The following BBS9 variants were observed in gnomAD, a reference collection of about 807,000 sequenced individuals.
BBS9 encodes the protein protein PTHB1.
Under a neutral mutation model 117.7 loss-of-function variants are expected in BBS9, and 89 were observed. That is an observed-to-expected ratio of 0.76 (90% CI 0.64 to 0.90). BBS9 has a LOEUF of 0.90. BBS9 is among the 40% of genes least tolerant of loss of function. The pLI is 0.00. For missense variants in BBS9, 982 were observed against 1,042.2 expected (o/e 0.94, Z 0.80); for synonymous variants, 379 against 370.9 (o/e 1.02, Z -0.25).
chr7:33,398,351 A>G (rs1438926545), intron 19 of BBS9, among the ~76,000 whole-genome samples: 1 of 152,162 alleles, frequency 6.6e-6, no homozygotes, highest in Non-Finnish European at 1.5e-5. Context: ...GAATTATTCC[A>G]TATATGAGTT....
chr7:33,379,117 C>T (rs1016870295), intron 17 of BBS9, among the ~76,000 whole-genome samples: 1 of 152,246 alleles, frequency 6.6e-6, no homozygotes. Context: ...TTCAGACGTA[C>T]TACGTTCCTC....
At chr7:33,457,049 A>AG (rs926195224) in intron 19 of BBS9, among the ~76,000 whole-genome samples, 8 of 152,256 alleles carry the variant, frequency 5.3e-5, no homozygotes, top group African/African-American at 1.4e-4. Context: ...GGCCCCTAAG[A>AG]GGGGGCCATA....
intron 5 of BBS9, among the ~76,000 whole-genome samples, chr7:33,228,300 C>T (rs908581708): frequency 1.3e-5 from 2 of 151,822 alleles, no homozygotes; most frequent in African/African-American, 2.4e-5. Context: ...CTATTCATGT[C>T]GTTTGCCCTT....
chr7:33,513,988 TA>T (rs1226888120), intron 20 of BBS9, among the ~76,000 whole-genome samples: 2 of 152,216 alleles, frequency 1.3e-5, no homozygotes, highest in African/African-American at 4.8e-5. Flanking sequence ...CTTAATGCAC[TA>T]AAAGCAGTAA....
intron 9 of BBS9, among the ~76,000 whole-genome samples, chr7:33,306,856 G>C (rs891522290): frequency 1.3e-5 from 2 of 152,096 alleles, no homozygotes; most frequent in Non-Finnish European, 2.9e-5. Flanking sequence ...TAGTATCCCT[G>C]TGACTCTAGC....
intron 19 of BBS9, among the ~76,000 whole-genome samples, chr7:33,410,043 T>C (rs1830829965): frequency 6.6e-6 from 1 of 152,202 alleles, no homozygotes; most frequent in Non-Finnish European, 1.5e-5. Flanking sequence ...TTATTCTGTC[T>C]TATGTTATGG....
intron 9 of BBS9, among the ~76,000 whole-genome samples, chr7:33,319,941 C>T (rs1811345914): frequency 6.6e-6 from 1 of 152,086 alleles, no homozygotes; most frequent in African/African-American, 2.4e-5. Context: ...TACAAATGGC[C>T]ACAAACATAT....
intron 17 of BBS9, among the ~76,000 whole-genome samples, chr7:33,374,349 T>C (rs1352441956): frequency 6.6e-6 from 1 of 152,024 alleles, no homozygotes; most frequent in Non-Finnish European, 1.5e-5. Flanking sequence ...TTTAATGAGG[T>C]CAGGAAACTT....
At chr7:33,594,184 C>T (rs941494578) in intron 21 of BBS9, among the ~76,000 whole-genome samples, 4 of 152,088 alleles carry the variant, frequency 2.6e-5, no homozygotes, top group Non-Finnish European at 4.4e-5. Context: ...ATGTATTAGA[C>T]TCTCTTTTAT....
intron 21 of BBS9, among the ~76,000 whole-genome samples, chr7:33,594,485 G>A (rs1188864087): frequency 1.5e-4 from 23 of 152,082 alleles, no homozygotes; most frequent in Admixed American, 1.4e-3. Flanking sequence ...TACAAGGAAC[G>A]TAGAAAACTG....
intron 19 of BBS9, among the ~76,000 whole-genome samples, chr7:33,425,448 CACCT>C (rs1833523869): frequency 6.6e-6 from 1 of 152,322 alleles, no homozygotes; most frequent in South Asian, 2.1e-4. Context: ...ATCAGCCCAT[CACCT>C]AGGTATTAAG....
At chr7:33,493,574 G>A (rs183424326) in intron 19 of BBS9, among the ~76,000 whole-genome samples, 1 of 152,014 alleles carries the variant, frequency 6.6e-6, no homozygotes, top group African/African-American at 2.4e-5. Flanking sequence ...TATAAGCATG[G>A]GACAATTCAT....
At chr7:33,364,039 C>T (rs1584499855) in intron 16 of BBS9, among the ~76,000 whole-genome samples, 3 of 50,646 alleles carry the variant, frequency 5.9e-5, no homozygotes, top group Admixed American at 4.8e-4. Context: ...AGCTCCGCCT[C>T]CCGGGTTCAC....
chr7:33,613,684 A>T (rs565305885), intron 21 of BBS9, among the ~76,000 whole-genome samples: 77 of 152,168 alleles, frequency 5.1e-4, no homozygotes, highest in Non-Finnish European at 9.1e-4. Context: ...TACACGAAAA[A>T]AAATTAACAT....
At chr7:33,180,785 G>A (rs1797987484) in intron 5 of BBS9, among the ~76,000 whole-genome samples, 1 of 152,156 alleles carries the variant, frequency 6.6e-6, no homozygotes, top group African/African-American at 2.4e-5. Flanking sequence ...CTTGTAGGGA[G>A]AAATGTCCCA....
intron 10 of BBS9, 142 bp from the exon 11 acceptor site, chr7:33,340,755 A>G: frequency 1.6e-6 from 1 of 630,602 alleles, no homozygotes; most frequent in Non-Finnish European, 2.7e-6. Context: ...AGCTTCTAAT[A>G]CTGTAATGCA....
chr7:33,294,829 A>G (rs934075548), intron 9 of BBS9, among the ~76,000 whole-genome samples: 8 of 152,200 alleles, frequency 5.3e-5, no homozygotes, highest in African/African-American at 1.2e-4. Context: ...TGACACAATA[A>G]AAATGTAAGT....
chr7:33,410,682 G>C (rs565460336), intron 19 of BBS9, among the ~76,000 whole-genome samples: 5 of 151,978 alleles, frequency 3.3e-5, no homozygotes, highest in Admixed American at 1.3e-4. Context: ...CCCTTCCCTT[G>C]ATCCCTTTGA....
At chr7:33,343,899 G>C (rs1441542490) in intron 11 of BBS9, among the ~76,000 whole-genome samples, 1 of 152,028 alleles carries the variant, frequency 6.6e-6, no homozygotes, top group Non-Finnish European at 1.5e-5. Context: ...CTTACACAGG[G>C]TGAAAATACA....
Sources: gnomAD v4.1 joint callset for allele counts (sites outside exome capture counted in the v4.1 genomes callset) on GRCh38, gnomAD v4.1.1 for gene constraint, MANE v1.5 for transcripts, NCBI Gene and HGNC (gene_info 2026-07-23, HGNC 2026-07-21) for gene names.